The following NOS1AP variants were observed in gnomAD, a reference collection of about 807,000 sequenced individuals.
The protein encoded by NOS1AP is carboxyl-terminal PDZ ligand of neuronal nitric oxide synthase protein.
A neutral mutation model predicts 56.2 loss-of-function variants in NOS1AP; 21 were observed. The observed-to-expected ratio is 0.37, with a 90% CI of 0.26 to 0.54. The LOEUF is 0.54. Ranked by LOEUF, NOS1AP falls within the 20% of genes least tolerant of loss-of-function variation. NOS1AP has a pLI of 0.84. For missense variants in NOS1AP, 522 were observed against 657.8 expected (o/e 0.79, Z 2.26); for synonymous variants, 270 against 274.6 (o/e 0.98, Z 0.17).
chr1:162,262,295 G>A (rs1028384732), intron 2 of NOS1AP, among the ~76,000 whole-genome samples: 3 of 152,100 alleles, frequency 2.0e-5, no homozygotes, highest in African/African-American at 4.8e-5. Flanking sequence ...ACAAATTAGT[G>A]GCCAATGTAT....
At chr1:162,153,224 G>A (rs149971990) in intron 1 of NOS1AP, among the ~76,000 whole-genome samples, 2,041 of 152,290 alleles carry the variant, frequency 0.013, 49 homozygotes, top group African/African-American at 0.046. Flanking sequence ...CGCCTCCTGG[G>A]TTCAAGCAAT....
chr1:162,131,497 G>A (rs1430488848), intron 1 of NOS1AP, among the ~76,000 whole-genome samples: 1 of 151,608 alleles, frequency 6.6e-6, no homozygotes, highest in African/African-American at 2.4e-5. Flanking sequence ...TATTATATTA[G>A]CTGTTGAGGG....
At chr1:162,238,180 T>C (rs933509985) in intron 2 of NOS1AP, among the ~76,000 whole-genome samples, 1 of 152,046 alleles carries the variant, frequency 6.6e-6, no homozygotes, top group Non-Finnish European at 1.5e-5. Context: ...ATGTGTGGAC[T>C]TGAATAGGAG....
chr1:162,318,639 C>T (rs1571215075), intron 4 of NOS1AP, among the ~76,000 whole-genome samples: 1 of 152,026 alleles, frequency 6.6e-6, no homozygotes, highest in South Asian at 2.1e-4. Flanking sequence ...CTCAATGAGC[C>T]CCCTTTCTTC....
intron 2 of NOS1AP, among the ~76,000 whole-genome samples, chr1:162,278,929 T>C (rs1016297055): frequency 6.6e-6 from 1 of 152,226 alleles, no homozygotes; most frequent in Admixed American, 6.5e-5. Flanking sequence ...GTCTCTAGTC[T>C]TCCTACTTAC....
intron 2 of NOS1AP, among the ~76,000 whole-genome samples, chr1:162,202,079 G>A (rs567396678): frequency 1.7e-4 from 26 of 152,262 alleles, no homozygotes; most frequent in Admixed American, 3.9e-4. Context: ...ATATCTGAAA[G>A]GTTGTCCTGG....
intron 2 of NOS1AP, among the ~76,000 whole-genome samples, chr1:162,156,373 C>T (rs935246584): frequency 2.0e-5 from 3 of 152,142 alleles, no homozygotes; most frequent in African/African-American, 7.2e-5. Context: ...GGCCTGAATG[C>T]ATTTCTTCAC....
chr1:162,287,398 G>A lies in NOS1AP; in HGVS notation c.232G>A (p.Val78Met). The A allele has an allele frequency of 6.2e-7, 1 of 1,613,354 alleles. No homozygotes were observed. The highest frequency in any genetic ancestry group is 8.5e-7 in the Non-Finnish European group (1 of 1,179,300). The change falls in exon 3 of 10, where the codon GTG (valine) becomes ATG (methionine). Residue 78 changes from valine to methionine, a missense_variant. Around this residue, in one of 4 missense-constraint regions of NOS1AP, gnomAD observed 132 missense variants for 218.1 expected, o/e 0.61. Coordinates refer to ENST00000361897, the MANE Select transcript of NOS1AP (RefSeq NM_014697.3). ...GAAGAAAGTGAGCATTATGGTTTCA[G>A]TGGATGGAGTGAAAGTGATTCTGAA... ...KKKKVSIMVS[V>M]DGVKVILKKK...
chr1:162,246,386 T>C (rs1305809362), intron 2 of NOS1AP, among the ~76,000 whole-genome samples: 1 of 152,180 alleles, frequency 6.6e-6, no homozygotes, highest in Non-Finnish European at 1.5e-5. Context: ...CAGCAGAGCA[T>C]GCAGGCTAGA....
intron 2 of NOS1AP, among the ~76,000 whole-genome samples, chr1:162,181,292 A>C (rs1651248234): frequency 1.3e-5 from 2 of 152,346 alleles, no homozygotes; most frequent in South Asian, 4.1e-4. Context: ...AAAGCTCTTA[A>C]ATAATTTCTG....
intron 2 of NOS1AP, among the ~76,000 whole-genome samples, chr1:162,224,175 A>C (rs1049888215): frequency 6.6e-6 from 1 of 152,164 alleles, no homozygotes; most frequent in African/African-American, 2.4e-5. Context: ...CAGAAAAAAA[A>C]AAAAGCACAG....
At chr1:162,331,570 G>A (rs1269368233) in intron 4 of NOS1AP, among the ~76,000 whole-genome samples, 1 of 152,150 alleles carries the variant, frequency 6.6e-6, no homozygotes, top group Admixed American at 6.5e-5. Context: ...AAGTGGCAAA[G>A]TCGTAGATGA....
intron 8 of NOS1AP, chr1:162,365,093 CGTGT>C: frequency 2.5e-6 from 3 of 1,224,236 alleles, no homozygotes; most frequent in South Asian, 1.8e-5. Context: ...TGTGTGTGTA[CGTGT>C]GTGTGTGTGG....
Position 162,370,194 on chromosome 1 carries a change from T to C in NOS1AP, c.*2727T>C, listed in dbSNP as rs1647354894. On this transcript the variant is annotated 3_prime_UTR_variant, in exon 10 of 10. Coordinates refer to ENST00000361897, the MANE Select transcript of NOS1AP (RefSeq NM_014697.3). ...ATATTGAGATTAAAAATTATATTCC[T>C]TATATTCCTGCTTATATCAATGCTC... 1 of 152,226 alleles carries C rather than the reference T, an allele frequency of 6.6e-6. No homozygotes were observed. Among genetic ancestry groups the C allele is most frequent in the African/African-American group, 2.4e-5 (1 of 41,460 alleles). The allele number at this position is 152,226 out of a possible 1,614,324, so 9.4% of individuals were successfully genotyped here. A position where few individuals can be genotyped will look rare whatever the true frequency, so the allele number is the denominator to read the frequency against.
At chr1:162,327,563 A>G (rs986982079) in intron 4 of NOS1AP, among the ~76,000 whole-genome samples, 1 of 152,322 alleles carries the variant, frequency 6.6e-6, no homozygotes, top group Middle Eastern at 3.4e-3. Context: ...GGAAATCATG[A>G]ACACTGAGAG....
intron 2 of NOS1AP, among the ~76,000 whole-genome samples, chr1:162,250,911 C>T (rs1653827941): frequency 6.6e-6 from 1 of 152,100 alleles, no homozygotes; most frequent in South Asian, 2.1e-4. Context: ...GCCTTGACGT[C>T]CCAAGCATAC....
At chr1:162,122,952 A>C (rs907389176) in intron 1 of NOS1AP, among the ~76,000 whole-genome samples, 3 of 152,216 alleles carry the variant, frequency 2.0e-5, no homozygotes, top group Admixed American at 2.0e-4. Context: ...GTATATATAG[A>C]ATAGTTTTAA....
chr1:162,345,490 A>C (rs1657262978), intron 6 of NOS1AP, among the ~76,000 whole-genome samples: 1 of 152,204 alleles, frequency 6.6e-6, no homozygotes, highest in South Asian at 2.1e-4. Flanking sequence ...TACAGTATTC[A>C]AAACTCATGG....
chr1:162,224,883 G>T (rs914398793), intron 2 of NOS1AP, among the ~76,000 whole-genome samples: 1 of 152,170 alleles, frequency 6.6e-6, no homozygotes, highest in South Asian at 2.1e-4. Flanking sequence ...ATGGGCTGGG[G>T]GCTCTTGGGT....
Sources: gnomAD v4.1 joint callset for allele counts (sites outside exome capture counted in the v4.1 genomes callset) on GRCh38, gnomAD v4.1.1 for gene constraint, gnomAD v4.1.1 regional missense constraint, MANE v1.5 for transcripts, NCBI Gene and HGNC (gene_info 2026-07-23, HGNC 2026-07-21) for gene names.